IL1RAPL1: variants seen among roughly 807,000 people sequenced by gnomAD.
The protein encoded by IL1RAPL1 is interleukin-1 receptor accessory protein-like 1.
Under a neutral mutation model 48.4 loss-of-function variants are expected in IL1RAPL1, and 3 were observed. That is an observed-to-expected ratio of 0.06 (90% confidence interval 0.03 to 0.16). IL1RAPL1 has a LOEUF of 0.16. Among genes scored for constraint, IL1RAPL1 ranks in the 10% least tolerant of loss-of-function variants. The pLI, the probability that IL1RAPL1 is intolerant of heterozygous loss-of-function variation, is 1.00. For synonymous variants in IL1RAPL1, 185 were observed against 187.7 expected (o/e 0.99, Z 0.12); for missense variants, 349 against 530.6 (o/e 0.66, Z 3.36).
At chrX:28,993,132 T>C (rs1423475868) in intron 2 of IL1RAPL1, among the ~76,000 whole-genome samples, 1 of 112,218 alleles carries the variant, frequency 8.9e-6, no homozygotes, top group African/African-American at 3.2e-5. Flanking sequence ...AAAGGGTATA[T>C]GGCAGGATTT....
intron 2 of IL1RAPL1, among the ~76,000 whole-genome samples, chrX:29,266,629 T>G (rs1286613684): frequency 1.8e-5 from 2 of 111,972 alleles, no homozygotes; most frequent in Non-Finnish European, 1.9e-5. Context: ...GAAAAATACA[T>G]AAACTGGAAA....
At chrX:29,549,215 G>T (rs941236532) in intron 5 of IL1RAPL1, among the ~76,000 whole-genome samples, 5 of 111,655 alleles carry the variant, frequency 4.5e-5, no homozygotes, top group Non-Finnish European at 7.5e-5. Flanking sequence ...GCACATCATT[G>T]TGAGTAGCAT....
chrX:29,769,426 A>AGTTTT (rs1569163988), intron 6 of IL1RAPL1, among the ~76,000 whole-genome samples: 11 of 46,439 alleles, frequency 2.4e-4, no homozygotes, highest in Non-Finnish European at 3.9e-4. Context: ...ACTGCCAAAC[A>AGTTTT]GTTTTTTTTT....
chrX:29,884,158 T>C (rs773453883), intron 6 of IL1RAPL1, among the ~76,000 whole-genome samples: 151 of 112,245 alleles, frequency 1.3e-3, no homozygotes, highest in Middle Eastern at 4.6e-3. Flanking sequence ...ACCCATTTAA[T>C]ACCTAATTCC....
intron 2 of IL1RAPL1, among the ~76,000 whole-genome samples, chrX:29,090,538 G>A (rs1463325739): frequency 8.9e-6 from 1 of 111,923 alleles, no homozygotes; most frequent in Non-Finnish European, 1.9e-5. Flanking sequence ...TTTTATTAAA[G>A]AAGAAATGAC....
At chrX:29,689,651 T>C (rs1192974027) in intron 6 of IL1RAPL1, among the ~76,000 whole-genome samples, 2 of 111,992 alleles carry the variant, frequency 1.8e-5, no homozygotes, top group Non-Finnish European at 3.8e-5. Flanking sequence ...TAGAAAGACA[T>C]TGCTGAAAGA....
intron 3 of IL1RAPL1, among the ~76,000 whole-genome samples, chrX:29,389,355 CAAAAAA>C (rs55950108): frequency 1.9e-5 from 1 of 52,924 alleles, no homozygotes; most frequent in African/African-American, 7.6e-5. Flanking sequence ...GACTCCATCT[CAAAAAA>C]AAAAAAAAAA....
At chrX:29,711,177 T>G (rs1265222208) in intron 6 of IL1RAPL1, among the ~76,000 whole-genome samples, 3 of 99,551 alleles carry the variant, frequency 3.0e-5, no homozygotes, top group African/African-American at 1.2e-4. Context: ...TCAGGTCCTT[T>G]TTTTTTCTTT....
intron 2 of IL1RAPL1, among the ~76,000 whole-genome samples, chrX:29,246,240 C>A (rs1355794258): frequency 9.8e-6 from 1 of 102,361 alleles, no homozygotes; most frequent in Non-Finnish European, 2.0e-5. Flanking sequence ...GAGATGATTG[C>A]CAAGTGGTTA....
intron 5 of IL1RAPL1, among the ~76,000 whole-genome samples, chrX:29,519,703 G>A (rs752021967): frequency 9.0e-6 from 1 of 111,420 alleles, no homozygotes; most frequent in African/African-American, 3.3e-5. Context: ...AGAAAACCAT[G>A]TCTTCACTGA....
intron 8 of IL1RAPL1, among the ~76,000 whole-genome samples, chrX:29,940,914 A>T (rs752582533): frequency 9.0e-6 from 1 of 111,512 alleles, no homozygotes; most frequent in Non-Finnish European, 1.9e-5. Context: ...ACATATTCAT[A>T]TACTGTCCCA....
chrX:29,919,798 A>AACTT (rs1413890599), intron 7 of IL1RAPL1, 151 bp from the exon 8 acceptor site: 2 of 544,972 alleles, frequency 3.7e-6, no homozygotes, highest in African/African-American at 4.6e-5. Context: ...AAAAGGGCAT[A>AACTT]ACTTAATTAA....
chrX:29,738,360 TC>T (rs1227567921), intron 6 of IL1RAPL1, among the ~76,000 whole-genome samples: 1 of 111,332 alleles, frequency 9.0e-6, no homozygotes, highest in African/African-American at 3.3e-5. Flanking sequence ...TTCTAAAAGA[TC>T]CCACTCTGTG....
intron 3 of IL1RAPL1, among the ~76,000 whole-genome samples, chrX:29,343,520 A>G (rs1185958230): frequency 8.9e-6 from 1 of 111,747 alleles, no homozygotes; most frequent in Non-Finnish European, 1.9e-5. Context: ...ACTTGTATTT[A>G]TTGGTCATCA....
intron 6 of IL1RAPL1, among the ~76,000 whole-genome samples, chrX:29,841,383 A>G (rs1316566044): frequency 1.8e-5 from 2 of 111,926 alleles, no homozygotes; most frequent in Non-Finnish European, 3.8e-5. Flanking sequence ...TTTATAATCT[A>G]TCGTCTGTTT....
intron 1 of IL1RAPL1, among the ~76,000 whole-genome samples, chrX:28,720,162 T>A (rs968689126): frequency 1.8e-5 from 2 of 111,518 alleles, no homozygotes; most frequent in Non-Finnish European, 3.8e-5. Context: ...CTTTTTTTAA[T>A]TACTCTGACA....
intron 3 of IL1RAPL1, among the ~76,000 whole-genome samples, chrX:29,388,223 C>T (rs763482307): frequency 6.5e-5 from 7 of 108,282 alleles, no homozygotes; most frequent in Non-Finnish European, 9.5e-5. Flanking sequence ...CTGTACTAGG[C>T]ACTTAAGGAG....
At chrX:28,726,236 G>T (rs928161202) in intron 1 of IL1RAPL1, among the ~76,000 whole-genome samples, 5 of 112,003 alleles carry the variant, frequency 4.5e-5, no homozygotes, top group African/African-American at 9.7e-5. Context: ...TATATAATCT[G>T]AGTCTCAGGT....
chrX:29,173,372 T>C (rs950394898), intron 2 of IL1RAPL1, among the ~76,000 whole-genome samples: 1 of 112,305 alleles, frequency 8.9e-6, no homozygotes, highest in Admixed American at 9.5e-5. Context: ...TTTAATAAAC[T>C]AAAAATAATA....
Sources: gnomAD v4.1 joint callset for allele counts (sites outside exome capture counted in the v4.1 genomes callset) on GRCh38, gnomAD v4.1.1 for gene constraint, MANE v1.5 for transcripts, NCBI Gene and HGNC (gene_info 2026-07-23, HGNC 2026-07-21) for gene names.